TDRD9: variants seen among roughly 807,000 people sequenced by gnomAD.
TDRD9 encodes tudor domain containing 9.
Under a neutral mutation model 172.6 loss-of-function variants are expected in TDRD9, and 124 were observed. That is an observed-to-expected ratio of 0.72 (90% CI 0.62 to 0.83). The LOEUF (loss-of-function observed/expected upper bound fraction) is 0.83, where lower values mean the gene tolerates loss of function less well. Ranked by LOEUF, TDRD9 falls within the 40% of genes least tolerant of loss-of-function variation. The probability of loss-of-function intolerance (pLI) is 0.00; values close to 1 mark genes in which losing one functional copy is unlikely to be tolerated. For missense variants in TDRD9, 1,479 were observed against 1,714.1 expected (o/e 0.86, Z 2.42); for synonymous variants, 619 against 617.1 (o/e 1.00, Z -0.05).
chr14:103,990,600 C>G (rs887350266), intron 8 of TDRD9, among the ~76,000 whole-genome samples: 3 of 152,228 alleles, frequency 2.0e-5, no homozygotes, highest in African/African-American at 7.2e-5. Context: ...TCCTGTCTGT[C>G]TCTCCAGTTA....
chr14:103,990,049 C>T (rs958114992), intron 8 of TDRD9, among the ~76,000 whole-genome samples: 1 of 152,234 alleles, frequency 6.6e-6, no homozygotes, highest in Non-Finnish European at 1.5e-5. Context: ...GCCATGTCTC[C>T]TTCCACCCAA....
intron 20 of TDRD9, among the ~76,000 whole-genome samples, chr14:104,012,838 A>G (rs1011005463): frequency 1.3e-5 from 2 of 152,126 alleles, no homozygotes; most frequent in African/African-American, 2.4e-5. Context: ...TGCTTAAGCA[A>G]TCCTCCTGCC....
At chr14:103,975,679 G>A in intron 7 of TDRD9, 126 bp downstream of exon 7, 5 of 932,978 alleles carry the variant, frequency 5.4e-6, no homozygotes, top group Non-Finnish European at 7.7e-6. Flanking sequence ...TGCATACTAA[G>A]TGTACATATT....
intron 25 of TDRD9, among the ~76,000 whole-genome samples, chr14:104,025,279 G>A (rs1205033808): frequency 2.6e-5 from 4 of 152,168 alleles, no homozygotes; most frequent in Admixed American, 1.3e-4. Context: ...ACTGTGCCCC[G>A]CCGAAATGCT....
chr14:104,009,230 A>G lies in TDRD9; in HGVS notation c.2106+764A>G, dbSNP rs137893324. ...TAAACATAGAAAAGGTGCGGTAAAA[A>G]TATGGTTATAAAACAGGGTTTCCCA... On this transcript the variant is annotated intron_variant, in intron 20 of 35. Coordinates refer to ENST00000409874, the MANE Select transcript of TDRD9 (RefSeq NM_153046.3). 3.7e-3 allele frequency among the ~76,000 whole-genome samples: 568 copies of G among 152,338 alleles called. 3 individuals carry two copies. Among genetic ancestry groups the G allele is most frequent in the African/African-American group, 0.013 (531 of 41,582 alleles).
intron 1 of TDRD9, chr14:103,941,067 T>C (rs1396525434): frequency 2.0e-6 from 3 of 1,535,066 alleles, no homozygotes; most frequent in Non-Finnish European, 2.6e-6. Flanking sequence ...CTATTTCCCA[T>C]GGCAGTACAT....
chr14:104,025,235 G>T (rs930552129), intron 25 of TDRD9, among the ~76,000 whole-genome samples: 2 of 152,184 alleles, frequency 1.3e-5, no homozygotes, highest in Non-Finnish European at 2.9e-5. Flanking sequence ...GCCCACCTCT[G>T]CCTCCCAAAG....
chr14:104,030,832 G>A (rs1169003771), intron 28 of TDRD9, among the ~76,000 whole-genome samples: 1 of 152,160 alleles, frequency 6.6e-6, no homozygotes, highest in Non-Finnish European at 1.5e-5. Context: ...CTGTTGTGGG[G>A]TGAGGGGAGA....
chr14:104,003,050 C>T (rs777294684), intron 13 of TDRD9, among the ~76,000 whole-genome samples: 3 of 152,010 alleles, frequency 2.0e-5, no homozygotes, highest in Non-Finnish European at 4.4e-5. Flanking sequence ...TTTGGTCAAC[C>T]TGTCAAGATT....
chr14:103,940,311 C>T (rs1398897987), intron 1 of TDRD9: 2 of 152,934 alleles, frequency 1.3e-5, no homozygotes, highest in African/African-American at 4.8e-5. Flanking sequence ...AGCCCTGCTT[C>T]ATTTTTAAAC....
rs148197001 is a variant in TDRD9 at position 104,017,007 on chromosome 14, G to A, written c.2331+919G>A. On this transcript the variant is annotated intron_variant, in intron 22 of 35. Transcript: ENST00000409874. ...GGCAGCTGAGATACACTTGATACCC[G>A]TGGAAGGGACTTTAAAAGGAAGTCA... Among the ~76,000 whole-genome samples, 133 of 152,242 alleles carry A rather than the reference G, an allele frequency of 8.7e-4. 1 individual carries two copies. The Middle Eastern group carries it at 0.014, about 16-fold the overall frequency.
chr14:103,934,464 A>G (rs985928313), intron 1 of TDRD9, among the ~76,000 whole-genome samples: 4 of 151,928 alleles, frequency 2.6e-5, no homozygotes, highest in Non-Finnish European at 4.4e-5. Flanking sequence ...AGGTGTGGTC[A>G]CGGAGCTAAC....
At chr14:103,951,958 C>G (rs754193896) in intron 1 of TDRD9, among the ~76,000 whole-genome samples, 4 of 150,336 alleles carry the variant, frequency 2.7e-5, no homozygotes, top group Non-Finnish European at 5.9e-5. Flanking sequence ...TTAGTAGAGA[C>G]GGGGTTTCAC....
chr14:103,951,486 C>T (rs1444004311), intron 1 of TDRD9, among the ~76,000 whole-genome samples: 2 of 152,206 alleles, frequency 1.3e-5, no homozygotes, highest in African/African-American at 4.8e-5. Flanking sequence ...TAATTATAAT[C>T]GGCATTGTAC....
intron 33 of TDRD9, among the ~76,000 whole-genome samples, chr14:104,040,637 G>A (rs1320504024): frequency 6.6e-6 from 1 of 152,246 alleles, no homozygotes; most frequent in Non-Finnish European, 1.5e-5. Context: ...CTGTAGGGCT[G>A]CTGTGGGTCT....
chr14:103,992,704 A>C (rs2033911400), intron 9 of TDRD9, among the ~76,000 whole-genome samples: 1 of 152,076 alleles, frequency 6.6e-6, no homozygotes, highest in African/African-American at 2.4e-5. Flanking sequence ...TGGGTGGATC[A>C]CGAGGTCAGG....
intron 5 of TDRD9, among the ~76,000 whole-genome samples, chr14:103,969,733 A>T (rs1258689686): frequency 7.3e-6 from 1 of 136,902 alleles, no homozygotes; most frequent in Admixed American, 8.7e-5. Flanking sequence ...CCCCTTGTAC[A>T]TTGATGTTTC....
chr14:104,013,131 C>T (rs2034667420), intron 20 of TDRD9, among the ~76,000 whole-genome samples: 1 of 152,054 alleles, frequency 6.6e-6, no homozygotes, highest in Non-Finnish European at 1.5e-5. Context: ...GTTTTTCTGT[C>T]CTTTCAATTC....
intron 2 of TDRD9, among the ~76,000 whole-genome samples, chr14:103,956,149 T>A (rs370863503): frequency 3.7e-3 from 373 of 101,914 alleles, no homozygotes; most frequent in South Asian, 7.7e-3. Flanking sequence ...TATATATATA[T>A]AATTATTAGG....
Sources: allele counts gnomAD v4.1 joint callset (sites outside exome capture counted in the v4.1 genomes callset), GRCh38; gene constraint gnomAD v4.1.1; transcripts MANE v1.5; gene names NCBI Gene and HGNC (gene_info 2026-07-23, HGNC 2026-07-21).